The following PIK3CD variants were observed in gnomAD, a reference collection of about 807,000 sequenced individuals.
The protein encoded by PIK3CD is phosphatidylinositol 4,5-bisphosphate 3-kinase catalytic subunit delta isoform.
Under a neutral mutation model 122.9 loss-of-function variants are expected in PIK3CD, and 20 were observed. That is an observed-to-expected ratio of 0.16 (90% CI 0.11 to 0.24). The LOEUF is 0.24. PIK3CD is among the 10% of genes least tolerant of loss of function. The probability of loss-of-function intolerance (pLI) is 1.00; values close to 1 mark genes in which losing one functional copy is unlikely to be tolerated. For missense variants in PIK3CD, 787 were observed against 1,406.3 expected (o/e 0.56, Z 7.04); for synonymous variants, 596 against 593.4 (o/e 1.00, Z -0.06).
At chr1:9,699,605 T>A (rs1196069967) in intron 2 of PIK3CD, among the ~76,000 whole-genome samples, 1 of 152,074 alleles carries the variant, frequency 6.6e-6, no homozygotes, top group East Asian at 1.9e-4. Flanking sequence ...ACTTTCTTTT[T>A]TTTTTTTTGA....
chr1:9,713,281 G>T (rs1285373101), intron 3 of PIK3CD, among the ~76,000 whole-genome samples: 1 of 152,082 alleles, frequency 6.6e-6, no homozygotes, highest in Admixed American at 6.6e-5. Flanking sequence ...GTTTGAGGCT[G>T]CAGTGAGCCA....
upstream of PIK3CD, among the ~76,000 whole-genome samples, chr1:9,649,603 T>C (rs1396272369): frequency 1.3e-5 from 2 of 152,198 alleles, no homozygotes; most frequent in Non-Finnish European, 2.9e-5. Flanking sequence ...CCCAGGCATC[T>C]CTTGGGTAGA....
At chr1:9,666,066 A>G (rs1309501702) in intron 1 of PIK3CD, among the ~76,000 whole-genome samples, 2 of 151,900 alleles carry the variant, frequency 1.3e-5, no homozygotes, top group Non-Finnish European at 2.9e-5. Flanking sequence ...AGCTGGGATT[A>G]CAGGCGCCCG....
chr1:9,713,853 CTTTTT>C (rs59908140), intron 3 of PIK3CD, among the ~76,000 whole-genome samples: 2 of 131,740 alleles, frequency 1.5e-5, no homozygotes, highest in East Asian at 2.2e-4. Context: ...TATTTTTATA[CTTTTT>C]TTTTTTTTTT....
rs540666446 is a variant in PIK3CD, at chr1:9,652,006, C to T, written c.-138+204C>T. ...AGCCCCGGGGGCCGGGCTGCTGGGACCTGGGCGGGGGCTGCCCTAGAGGCC... is the reference window on the plus strand; with the variant it reads ...AGCCCCGGGGGCCGGGCTGCTGGGATCTGGGCGGGGGCTGCCCTAGAGGCC... On this transcript the variant is annotated intron_variant, in intron 1 of 23. Transcript: ENST00000377346. This position sits in a 1 kb window ranked among gnomAD's most constrained non-coding sequence, Gnocchi z 6.2. 6.6e-6 allele frequency among the ~76,000 whole-genome samples: 1 copy of T among 151,842 alleles called. No homozygotes were observed. The highest frequency in any genetic ancestry group is 2.1e-4 in the South Asian group (1 of 4,824).
At chr1:9,688,532 C>T (rs979885237) in intron 1 of PIK3CD, among the ~76,000 whole-genome samples, 4 of 152,172 alleles carry the variant, frequency 2.6e-5, no homozygotes, top group African/African-American at 9.7e-5. Context: ...CAACATCTAT[C>T]TTACAGTGTA....
At position 9,710,329 on chromosome 1, in the gene PIK3CD, C is replaced by T. The variant is rs1326711635; in HGVS notation, c.-32-95C>T. On this transcript the variant is annotated intron_variant, in intron 2 of 23. Transcript: ENST00000377346. The surrounding 1 kb of genome is among the most constrained non-coding windows in gnomAD (Gnocchi z 4.7). ...CGGGAACTCACTCCTGAGCTTCCTG[C>T]TGTCCAAGGACCCCACTGTTTTCCA... 8 of 997,714 alleles carry T rather than the reference C, an allele frequency of 8.0e-6. No homozygotes were observed. Among genetic ancestry groups the T allele is most frequent in the South Asian group, 6.4e-5 (5 of 78,110 alleles). 61.8% of individuals were successfully genotyped at this position (997,714 alleles called of 1,614,324 possible).
intron 2 of PIK3CD, among the ~76,000 whole-genome samples, chr1:9,702,499 C>CTTTT (rs1491337578): frequency 9.2e-5 from 2 of 21,710 alleles, no homozygotes; most frequent in Non-Finnish European, 2.5e-4. Flanking sequence ...AAAGAACTTT[C>CTTTT]CTTTTTTTTT....
the PIK3CD span, among the ~76,000 whole-genome samples, chr1:9,645,919 ATTT>A: frequency 2.3e-4 from 35 of 150,804 alleles, no homozygotes; most frequent in Non-Finnish European, 4.4e-4. Flanking sequence ...TTTATTTTTT[ATTT>A]TTTATTTTTT....
Position 9,717,159 on chromosome 1 carries a change from G to C in PIK3CD, c.930+51G>C. On this transcript the variant is annotated intron_variant, in intron 7 of 23. Coordinates refer to ENST00000377346, the MANE Select transcript of PIK3CD (RefSeq NM_005026.5). This position sits in a 1 kb window ranked among gnomAD's most constrained non-coding sequence, Gnocchi z 5.4. ...TCTGAGCCACCCCTTCTTTCCACCTGGCGTCCAACTCCATGTGCTACTGGC... is the reference window on the plus strand; with the variant it reads ...TCTGAGCCACCCCTTCTTTCCACCTCGCGTCCAACTCCATGTGCTACTGGC... 2 of 1,607,696 alleles carry C rather than the reference G, an allele frequency of 1.2e-6. No homozygotes were observed. The highest frequency in any genetic ancestry group is 2.2e-5 in the South Asian group (2 of 90,958).
chr1:9,661,051 C>T (rs1385978154), intron 1 of PIK3CD: 1 of 152,200 alleles, frequency 6.6e-6, no homozygotes, highest in African/African-American at 2.4e-5. Flanking sequence ...TCTCCTGCCT[C>T]AGCCTCCAGA....
Position 9,718,868 on chromosome 1 carries a change from G to C in PIK3CD, c.1195G>C (p.Glu399Gln). 7 of 1,613,154 alleles carry C rather than the reference G, an allele frequency of 4.3e-6. No homozygotes were observed. The highest frequency in any genetic ancestry group is 5.9e-6 in the Non-Finnish European group (7 of 1,180,008). ...RLCFALYAVI[E>Q]KAKKARSTKK... ...CTGCTTTGCGCTGTACGCCGTGATCGAGAAAGCCAAGAAGGCTCGCTCCAC... is the reference window on the plus strand; with the variant it reads ...CTGCTTTGCGCTGTACGCCGTGATCCAGAAAGCCAAGAAGGCTCGCTCCAC... Residue 399 changes from glutamate (E) to glutamine (Q), a missense_variant, in exon 9 of 24, where the codon GAG becomes CAG. Physicochemically the swap from Glu to Gln is conservative, Grantham distance 29. Transcript: ENST00000377346. The surrounding 1 kb of genome is among the most constrained non-coding windows in gnomAD (Gnocchi z 7.2).
At chr1:9,671,805 T>G (rs943270177) in intron 1 of PIK3CD, among the ~76,000 whole-genome samples, 29 of 152,188 alleles carry the variant, frequency 1.9e-4, no homozygotes, top group Non-Finnish European at 3.5e-4. Context: ...AGGCAAATAC[T>G]GCTGGAAGTG....
rs560972637 is a variant in PIK3CD, at chr1:9,719,616, G to A, written c.1243-305G>A. Among the ~76,000 whole-genome samples, 3 of 151,470 alleles carry A rather than the reference G, an allele frequency of 2.0e-5. No homozygotes were observed. The highest frequency in any genetic ancestry group is 4.8e-5 in the African/African-American group (2 of 41,330). ...GCAGAGGTTGCAATGAGCCGAGATC[G>A]TGCCACTGCACTCCAGCCTGGGTGA... On this transcript the variant is annotated intron_variant, in intron 9 of 23. Transcript: ENST00000377346. The surrounding 1 kb of genome is among the most constrained non-coding windows in gnomAD (Gnocchi z 5.5).
Position 9,718,982 on chromosome 1 carries a change from A to T in PIK3CD, c.1242+67A>T. ...AGCCAGTACAGCCCCTTGCTGGGCC[A>T]CTCACCACTCTCCTCCCGGCAAGCA... On this transcript the variant is annotated intron_variant, in intron 9 of 23. Coordinates refer to ENST00000377346, the MANE Select transcript of PIK3CD (RefSeq NM_005026.5). The surrounding 1 kb of genome is among the most constrained non-coding windows in gnomAD (Gnocchi z 7.2). 7.0e-7 allele frequency: 1 copy of T among 1,433,340 alleles called. No individual in the cohort carries two copies. The highest frequency in any genetic ancestry group is 9.7e-7 in the Non-Finnish European group (1 of 1,031,648). 88.8% of individuals were successfully genotyped at this position (1,433,340 alleles called of 1,614,324 possible).
At position 9,715,989 on chromosome 1, in the gene PIK3CD, C is replaced by T; in HGVS notation, c.511C>T (p.Leu171=). The change falls in exon 5 of 24, where the codon CTG becomes TTG. Residue 171 remains leucine, a synonymous_variant. Coordinates refer to ENST00000377346, the MANE Select transcript of PIK3CD (RefSeq NM_005026.5). The surrounding 1 kb of genome is among the most constrained non-coding windows in gnomAD (Gnocchi z 4.1). The stretch of plus-strand genomic sequence containing the variant: ...GCTGCAGTACAGTTTCCCCCTGCAG[C>T]TGGAGCCCTCGGCTCAAACCTGGGG... The part of the protein sequence containing the change: ...AWLQYSFPLQ[L]EPSAQTWGPG... 2 of 1,612,540 alleles carry T rather than the reference C, an allele frequency of 1.2e-6. No homozygotes were observed. The highest frequency in any genetic ancestry group is 1.3e-5 in the African/African-American group (1 of 75,074).
intron 1 of PIK3CD, among the ~76,000 whole-genome samples, chr1:9,681,719 T>C (rs554143797): frequency 9.0e-4 from 137 of 152,294 alleles, no homozygotes; most frequent in African/African-American, 3.1e-3. Context: ...CCGGATTCTT[T>C]TATAATCTAA....
At chr1:9,708,741 C>T (rs930312590) in intron 2 of PIK3CD, among the ~76,000 whole-genome samples, 6 of 151,774 alleles carry the variant, frequency 4.0e-5, no homozygotes, top group Admixed American at 6.6e-5. Flanking sequence ...CCCAGCTACT[C>T]GGGAGGCTGA....
Position 9,717,437 on chromosome 1 carries a change from C to T in PIK3CD, c.931-100C>T, listed in dbSNP as rs1647674543. On this transcript the variant is annotated intron_variant, in intron 7 of 23. Transcript: ENST00000377346. The surrounding 1 kb of genome is among the most constrained non-coding windows in gnomAD (Gnocchi z 5.4). ...CCCAAACCTGGCCGCAAACCTGTGA[C>T]CCTCTCACCCGCCCCCAAGTGGTCA... 3 of 1,178,682 alleles carry T rather than the reference C, an allele frequency of 2.5e-6. No homozygotes were observed. The highest frequency in any genetic ancestry group is 3.8e-6 in the Non-Finnish European group (3 of 788,504). The allele number at this position is 1,178,682 out of a possible 1,614,324, so 73.0% of individuals were successfully genotyped here.
Sources: gnomAD v4.1 joint callset for allele counts (sites outside exome capture counted in the v4.1 genomes callset) on GRCh38, gnomAD v4.1.1 for gene constraint, Gnocchi (gnomAD v3.1) non-coding constraint, MANE v1.5 for transcripts, NCBI Gene and HGNC (gene_info 2026-07-23, HGNC 2026-07-21) for gene names.